The following FANCB variants were observed in gnomAD, a reference collection of about 807,000 sequenced individuals.
FANCB encodes Fanconi anemia group B protein.
A neutral mutation model predicts 38.9 loss-of-function variants in FANCB; 5 were observed. The observed-to-expected ratio is 0.13, with a 90% CI of 0.07 to 0.27. The LOEUF is 0.27. Among genes scored for constraint, FANCB ranks in the 10% least tolerant of loss-of-function variants. The pLI is 1.00. For missense variants in FANCB, 573 were observed against 602.7 expected, an observed-to-expected ratio of 0.95 and a Z score of 0.52; for synonymous variants, 236 against 215.4, an observed-to-expected ratio of 1.10 and a Z score of -0.84.
chrX:14,768,815 ATTATT>A, the FANCB span, among the ~76,000 whole-genome samples: 1 of 110,610 alleles, frequency 9.0e-6, no homozygotes, highest in East Asian at 2.8e-4. Context: ...TATGGCTCTT[ATTATT>A]TTGAGTTATC....
At chrX:14,696,498 G>C in the FANCB span, among the ~76,000 whole-genome samples, 1 of 111,640 alleles carries the variant, frequency 9.0e-6, no homozygotes, top group Non-Finnish European at 1.9e-5. Context: ...CCGAGGATGG[G>C]GTCTATTATC....
chrX:14,796,695 C>T, the FANCB span, among the ~76,000 whole-genome samples: 695 of 91,780 alleles, frequency 7.6e-3, 4 homozygotes, highest in African/African-American at 0.027. Context: ...TCTATATATA[C>T]ACACACACAC....
chrX:14,737,908 A>T, the FANCB span, among the ~76,000 whole-genome samples: 1 of 112,055 alleles, frequency 8.9e-6, no homozygotes, highest in East Asian at 2.8e-4. Flanking sequence ...ATGCCTCCCA[A>T]AGATGGGCCT....
the FANCB span, among the ~76,000 whole-genome samples, chrX:14,796,681 C>CAG: frequency 2.6e-5 from 2 of 78,159 alleles, no homozygotes; most frequent in Non-Finnish European, 4.7e-5. Context: ...CACACACACA[C>CAG]ACGTCTATAT....
At position 14,859,266 on chromosome X, in the gene FANCB, T is replaced by A; in HGVS notation, c.1020A>T (p.Gln340His). 2 of 1,179,638 alleles carry A rather than the reference T, an allele frequency of 1.7e-6. No homozygotes were observed. The highest frequency in any genetic ancestry group is 2.3e-6 in the Non-Finnish European group (2 of 866,510). The change falls in exon 4 of 10, where the codon CAA becomes CAT. Residue 340 changes from glutamine (Q) to histidine (H), a missense_variant. By Grantham distance (24) the Gln-to-His change is conservative. Transcript: ENST00000650831. ...AGGAGTCCTTAAAAAGTAGGAGTAC[T>A]TGTTCAGTTCCACTTCCAATAAAGT... ...IDDFIGSGTE[Q>H]VLLLFKDSLN...
At chrX:14,757,804 T>C in the FANCB span, among the ~76,000 whole-genome samples, 1 of 111,836 alleles carries the variant, frequency 8.9e-6, no homozygotes, top group Admixed American at 9.4e-5. Flanking sequence ...GTAACACTTT[T>C]GACTGAATGC....
chrX:14,715,529 T>G, the FANCB span, among the ~76,000 whole-genome samples: 1 of 111,227 alleles, frequency 9.0e-6, no homozygotes, highest in Non-Finnish European at 1.9e-5. Flanking sequence ...ACGTAAATAG[T>G]TGAATTTAAT....
the FANCB span, among the ~76,000 whole-genome samples, chrX:14,708,901 A>C: frequency 1.8e-5 from 2 of 110,444 alleles, no homozygotes; most frequent in African/African-American, 3.3e-5. Flanking sequence ...GCGCCATTGC[A>C]CTCTAGTCTG....
chrX:14,867,515 G>A (rs1410091220), intron 2 of FANCB, among the ~76,000 whole-genome samples: 1 of 110,895 alleles, frequency 9.0e-6, no homozygotes, highest in African/African-American at 3.3e-5. Flanking sequence ...TGGTGGTGCT[G>A]GGAAACTGGA....
At chrX:14,860,526 T>C (rs1426178781) in intron 3 of FANCB, among the ~76,000 whole-genome samples, 2 of 112,088 alleles carry the variant, frequency 1.8e-5, no homozygotes, top group African/African-American at 3.3e-5. Flanking sequence ...TGCCATCCAA[T>C]AGAAAGGTAA....
At chrX:14,783,561 G>A in the FANCB span, among the ~76,000 whole-genome samples, 1 of 112,220 alleles carries the variant, frequency 8.9e-6, no homozygotes, top group Admixed American at 9.5e-5. Flanking sequence ...AGCATGCCTG[G>A]AAAGGGTTTG....
the FANCB span, among the ~76,000 whole-genome samples, chrX:14,763,227 A>T: frequency 1.8e-5 from 2 of 112,217 alleles, no homozygotes; most frequent in Admixed American, 9.5e-5. Flanking sequence ...GTAATGTACA[A>T]GGATGTTCAC....
At chrX:14,786,423 G>C in the FANCB span, among the ~76,000 whole-genome samples, 3 of 111,289 alleles carry the variant, frequency 2.7e-5, no homozygotes, top group Non-Finnish European at 5.7e-5. Flanking sequence ...CCCTAGATGA[G>C]GACTGTGGCA....
At chrX:14,802,577 A>G in the FANCB span, among the ~76,000 whole-genome samples, 1 of 112,089 alleles carries the variant, frequency 8.9e-6, no homozygotes, top group African/African-American at 3.2e-5. Context: ...GACTGGAGGC[A>G]GGAAAATTCA....
rs959638632 is a variant in FANCB, at chrX:14,865,184, T to C, written c.327A>G (p.Leu109=). 1 of 1,165,455 alleles carries C rather than the reference T, an allele frequency of 8.6e-7. No individual in the cohort carries two copies. Among genetic ancestry groups the C allele is most frequent in the Non-Finnish European group, 1.1e-6 (1 of 872,338 alleles). ...NKKNNVFEYF[L]LILHSTNKFE... is the part of the protein sequence containing the mutation. ...ATTTATTAGTACTGTGAAGGATTAG[T>C]AAAAAATATTCAAAAACATTATTCT... is the stretch of plus-strand genomic sequence containing the variant. The change falls in exon 3 of 10, where the codon TTA becomes TTG. Residue 109 remains leucine, a synonymous_variant. Coordinates refer to ENST00000650831, the MANE Select transcript of FANCB (RefSeq NM_001018113.3).
chrX:14,819,308 T>C, the FANCB span, among the ~76,000 whole-genome samples: 15 of 111,550 alleles, frequency 1.3e-4, no homozygotes, highest in Non-Finnish European at 1.9e-5. Flanking sequence ...TATCCAACAC[T>C]TGGAGAGCAT....
At chrX:14,830,055 T>A in the FANCB span, among the ~76,000 whole-genome samples, 32 of 111,685 alleles carry the variant, frequency 2.9e-4, no homozygotes, top group East Asian at 5.1e-3. Flanking sequence ...ACTGTAGGCC[T>A]CACTTCAATA....
At chrX:14,725,923 T>C in the FANCB span, among the ~76,000 whole-genome samples, 1 of 112,519 alleles carries the variant, frequency 8.9e-6, no homozygotes. Flanking sequence ...ACTGGATGAT[T>C]CATTTTCTGT....
chrX:14,713,208 T>G, the FANCB span, among the ~76,000 whole-genome samples: 1 of 112,159 alleles, frequency 8.9e-6, no homozygotes, highest in Admixed American at 9.5e-5. Flanking sequence ...ATTATTGTTT[T>G]GAGTTTAGTA....
Sources: gnomAD v4.1 joint callset for allele counts (sites outside exome capture counted in the v4.1 genomes callset) on GRCh38, gnomAD v4.1.1 for gene constraint, MANE v1.5 for transcripts, NCBI Gene and HGNC (gene_info 2026-07-23, HGNC 2026-07-21) for gene names.